Variants in MIPEP observed in about 807,000 individuals in gnomAD.
The protein encoded by MIPEP is mitochondrial intermediate peptidase.
In MIPEP, 79 loss-of-function variants were observed where a neutral mutation model predicts 90.3. The observed-to-expected ratio is 0.87, with a 90% confidence interval of 0.73 to 1.05. The LOEUF (loss-of-function observed/expected upper bound fraction) is 1.05, where lower values mean the gene tolerates loss of function less well. Among genes scored for constraint, MIPEP ranks in the 50% least tolerant of loss-of-function variants. The pLI is 0.00. For synonymous variants in MIPEP, 334 were observed against 315.8 expected (o/e 1.06, Z -0.61); for missense variants, 940 against 905.6 (o/e 1.04, Z -0.49).
intron 16 of MIPEP, among the ~76,000 whole-genome samples, chr13:23,765,370 A>G (rs1952582686): frequency 1.3e-5 from 2 of 152,224 alleles, no homozygotes; most frequent in African/African-American, 4.8e-5. Context: ...AGAGAGGGAG[A>G]CACCACATTC....
chr13:23,797,593 A>T (rs1362113359), intron 16 of MIPEP, among the ~76,000 whole-genome samples: 1 of 151,836 alleles, frequency 6.6e-6, no homozygotes, highest in Non-Finnish European at 1.5e-5. Context: ...CCTCTAAAGC[A>T]CTCCTCTATT....
At chr13:23,793,337 T>C (rs1349549990) in intron 16 of MIPEP, among the ~76,000 whole-genome samples, 1 of 152,178 alleles carries the variant, frequency 6.6e-6, no homozygotes, top group African/African-American at 2.4e-5. Flanking sequence ...AAAGAGGATT[T>C]CTGTATGATG....
intron 16 of MIPEP, among the ~76,000 whole-genome samples, chr13:23,804,472 A>G (rs1953083036): frequency 6.6e-6 from 1 of 152,236 alleles, no homozygotes; most frequent in South Asian, 2.1e-4. Flanking sequence ...TATTTATTCC[A>G]TGAATAAATA....
chr13:23,746,301 A>G (rs1450556518), intron 18 of MIPEP, among the ~76,000 whole-genome samples: 1 of 151,608 alleles, frequency 6.6e-6, no homozygotes, highest in Non-Finnish European at 1.5e-5. Flanking sequence ...GGCATGAGCC[A>G]TGGCACCAGG....
At chr13:23,790,536 G>A (rs921859270) in intron 16 of MIPEP, among the ~76,000 whole-genome samples, 4 of 152,030 alleles carry the variant, frequency 2.6e-5, no homozygotes, top group African/African-American at 9.7e-5. Context: ...ATCTGAGTAC[G>A]CCCTAGTCAG....
At chr13:23,874,740 T>C in intron 5 of MIPEP, 106 bp downstream of exon 5, 1 of 901,672 alleles carries the variant, frequency 1.1e-6, no homozygotes, top group East Asian at 2.8e-5. Context: ...CTGCACGTTT[T>C]TGCAATATGC....
chr13:23,783,059 C>T (rs1009854046), intron 16 of MIPEP, among the ~76,000 whole-genome samples: 2 of 152,168 alleles, frequency 1.3e-5, no homozygotes, highest in Admixed American at 1.3e-4. Context: ...CCTTCTGAAA[C>T]TATTCCAATC....
chr13:23,872,827 T>TAAAAAC (rs58239391), intron 5 of MIPEP, among the ~76,000 whole-genome samples: 38,324 of 151,906 alleles, frequency 0.25, 4,978 homozygotes, highest in East Asian at 0.45. Context: ...TAAGGATACA[T>TAAAAAC]TAAAACTATT....
intron 16 of MIPEP, among the ~76,000 whole-genome samples, chr13:23,800,501 A>G (rs1953022680): frequency 6.6e-6 from 1 of 152,204 alleles, no homozygotes; most frequent in African/African-American, 2.4e-5. Context: ...ATGTTGTACT[A>G]TTGCCCTCTA....
rs1869203264 is a variant in MIPEP at position 23,839,537 on chromosome 13, T to A, written c.1338+112A>T. 4 of 577,366 alleles carry A rather than the reference T, an allele frequency of 6.9e-6. No individual in the cohort carries two copies. In the South Asian group the frequency reaches 1.9e-4, roughly 27 times the overall value. The allele number at this position is 577,366 out of a possible 1,614,324, so 35.8% of individuals were successfully genotyped here. The stretch of plus-strand genomic sequence containing the variant: ...TTCAAATGTATATATTTGGTAACCA[T>A]CATTAGTAACTTTTAAATGTCATGG... On this transcript the variant is annotated intron_variant, in intron 12 of 18. Transcript: ENST00000382172.
At chr13:23,780,178 G>C (rs1193423895) in intron 16 of MIPEP, among the ~76,000 whole-genome samples, 2 of 152,218 alleles carry the variant, frequency 1.3e-5, no homozygotes, top group African/African-American at 4.8e-5. Context: ...CCTGACCCCC[G>C]AGTAGCCTAA....
intron 1 of MIPEP, chr13:23,888,760 G>C: frequency 9.6e-7 from 1 of 1,037,496 alleles, no homozygotes; most frequent in Non-Finnish European, 1.2e-6. Context: ...GGCCTCTTAA[G>C]GCAGGACTGT....
intron 14 of MIPEP, among the ~76,000 whole-genome samples, chr13:23,832,217 G>A (rs1293607442): frequency 6.6e-6 from 1 of 152,100 alleles, no homozygotes; most frequent in African/African-American, 2.4e-5. Context: ...AGAGAGACCT[G>A]AGCTAGCATG....
intron 18 of MIPEP, among the ~76,000 whole-genome samples, chr13:23,741,837 ATAAAAGT>A (rs1952333067): frequency 6.6e-6 from 1 of 152,136 alleles, no homozygotes; most frequent in South Asian, 2.1e-4. Context: ...AAAAAAAAAA[ATAAAAGT>A]TAAAAGCTAG....
At chr13:23,735,796 T>C (rs1277140400) in intron 18 of MIPEP, among the ~76,000 whole-genome samples, 1 of 152,122 alleles carries the variant, frequency 6.6e-6, no homozygotes, top group East Asian at 1.9e-4. Flanking sequence ...TAATGAAGAA[T>C]AGTTACTGGG....
intron 2 of MIPEP, among the ~76,000 whole-genome samples, chr13:23,885,925 A>AG: frequency 6.6e-6 from 1 of 151,452 alleles, no homozygotes; most frequent in East Asian, 1.9e-4. Context: ...AAAAAAAAAA[A>AG]AAAGAAAAAG....
At chr13:23,820,621 T>C (rs1340167709) in intron 14 of MIPEP, among the ~76,000 whole-genome samples, 1 of 152,232 alleles carries the variant, frequency 6.6e-6, no homozygotes, top group Non-Finnish European at 1.5e-5. Context: ...TCCAGTCTTA[T>C]ATTTACACCC....
intron 16 of MIPEP, among the ~76,000 whole-genome samples, chr13:23,792,907 G>T (rs7989163): frequency 0.24 from 35,834 of 152,044 alleles, 4,932 homozygotes; most frequent in African/African-American, 0.38. Flanking sequence ...ACCACAGTGA[G>T]ATCATTCTCC....
chr13:23,735,877 T>C (rs1952257316), intron 18 of MIPEP, among the ~76,000 whole-genome samples: 1 of 151,570 alleles, frequency 6.6e-6, no homozygotes, highest in Non-Finnish European at 1.5e-5. Context: ...AGTGTTAACA[T>C]GAACTAAACC....
Sources: allele counts gnomAD v4.1 joint callset (sites outside exome capture counted in the v4.1 genomes callset), GRCh38; gene constraint gnomAD v4.1.1; transcripts MANE v1.5; gene names NCBI Gene and HGNC (gene_info 2026-07-23, HGNC 2026-07-21).